The following TPP1 variants were observed in gnomAD, a reference collection of about 807,000 sequenced individuals.
TPP1 encodes tripeptidyl peptidase 1.
A neutral mutation model predicts 67.6 loss-of-function variants in TPP1; 43 were observed. The ratio of observed to expected loss-of-function variants is 0.64; its 90% CI spans 0.50 to 0.82. TPP1 has a LOEUF of 0.82. TPP1 is among the 40% of genes least tolerant of loss of function. TPP1 has a pLI of 0.00. For synonymous variants in TPP1, 272 were observed against 281.5 expected (o/e 0.97, Z 0.34); for missense variants, 671 against 710.9 (o/e 0.94, Z 0.64).
intron 7 of TPP1, 27 bp downstream of exon 7, chr11:6,616,634 C>T (rs1223668377): frequency 1.2e-6 from 2 of 1,613,806 alleles, no homozygotes; most frequent in Non-Finnish European, 1.7e-6. Context: ...CACCCCCTTC[C>T]CCACTGTCCA....
Position 6,614,386 on chromosome 11 carries a change from G to T in TPP1, c.*160C>A. The T allele has an allele frequency of 1.1e-6, 1 of 927,714 alleles. No individual in the cohort carries two copies. Among genetic ancestry groups the T allele is most frequent in the Non-Finnish European group, 1.7e-6 (1 of 603,246 alleles). The allele number at this position is 927,714 out of a possible 1,614,324, so 57.5% of individuals were successfully genotyped here. On this transcript the variant is annotated 3_prime_UTR_variant, in exon 13 of 13. Transcript: ENST00000299427. ...GAGTATGATGGAGCATGGTAGGGTT[G>T]GGAGTCAAGTCAAGCTCACAGCATT...
rs1855636795 is a variant in TPP1, at chr11:6,619,406, C to T, written c.-6G>A. ...CACCAGGCTTGGAGTCCCATTCTGC[C>T]CTTCCGCGGATCTGCTGTCATGTGA... On this transcript the variant is annotated 5_prime_UTR_variant, in exon 1 of 13. Transcript: ENST00000299427. 1 of 1,614,224 alleles carries T rather than the reference C, an allele frequency of 6.2e-7. No homozygotes were observed.
At position 6,613,294 on chromosome 11, in the gene TPP1, G is replaced by GT. The variant is rs1197757864; in HGVS notation, c.*1251dup. The GT allele has an allele frequency of 2.0e-5, 3 of 152,222 alleles. No homozygotes were observed. The highest frequency in any genetic ancestry group is 4.4e-5 in the Non-Finnish European group (3 of 68,042). The allele number at this position is 152,222 out of a possible 1,614,324, so 9.4% of individuals were successfully genotyped here. On this transcript the variant is annotated 3_prime_UTR_variant, in exon 13 of 13. Transcript: ENST00000299427. ...AATTCTGGAAATTAACCTGGCAGTT[G>GT]TATCAGGGGTGGTAAGGGGACGGAA...
At chr11:6,616,262 G>A in intron 8 of TPP1, 53 bp downstream of exon 8, 1 of 1,611,164 alleles carries the variant, frequency 6.2e-7, no homozygotes. Context: ...TGGAGTCAAA[G>A]CTCCCAGGCT....
intron 3 of TPP1, chr11:6,618,448 G>A (rs1261884564): frequency 8.1e-5 from 44 of 544,924 alleles, no homozygotes; most frequent in East Asian, 5.1e-4. Context: ...AACAAAAGAC[G>A]GCAAGAAGGA....
Position 6,617,760 on chromosome 11 carries a change from T to C in TPP1, c.246A>G (p.Leu82=), listed in dbSNP as rs1855609054. Residue 82 remains leucine, a synonymous_variant, in exon 4 of 13, where the codon CTA becomes CTG. Coordinates refer to ENST00000299427, the MANE Select transcript of TPP1 (RefSeq NM_000391.4). ...SSPQYGKYLT[L]ENVADLVRPS... ...GCCTCACCAGATCAGCCACATTCTCTAGGGTCAGGTATTTTCCTGCAGGGA... is the reference window on the plus strand; with the variant it reads ...GCCTCACCAGATCAGCCACATTCTCCAGGGTCAGGTATTTTCCTGCAGGGA... 2 of 1,614,196 alleles carry C rather than the reference T, an allele frequency of 1.2e-6. No individual in the cohort carries two copies. The highest frequency in any genetic ancestry group is 2.2e-5 in the East Asian group (1 of 44,886).
intron 5 of TPP1, 25 bp downstream of exon 5, chr11:6,617,276 C>T (rs369280517): frequency 3.1e-6 from 5 of 1,613,664 alleles, no homozygotes; most frequent in Non-Finnish European, 4.2e-6. Flanking sequence ...TGTGCCCCAA[C>T]CCCCATTCAC....
At chr11:6,618,970 T>C (rs1488482690) in intron 2 of TPP1, 55 bp from the exon 3 acceptor site, 1 of 1,606,168 alleles carries the variant, frequency 6.2e-7, no homozygotes, top group African/African-American at 1.3e-5. Context: ...ATGGAAAATA[T>C]TGGTCATGGA....
In TPP1 at chr11:6,616,685, A is replaced by C; in HGVS notation, c.862T>G (p.Ser288Ala). 1 of 1,613,968 alleles carries C rather than the reference A, an allele frequency of 6.2e-7. No homozygotes were observed. The highest frequency in any genetic ancestry group is 8.5e-7 in the Non-Finnish European group (1 of 1,179,974). ...QYLMSAGANI[S>A]TWVYSSPGRH... ...CCAGGGCTACTGTAGACCCAGGTGGAGATGTTGGCACCAGCACTCATCAGG... is the reference window on the plus strand; with the variant it reads ...CCAGGGCTACTGTAGACCCAGGTGGCGATGTTGGCACCAGCACTCATCAGG... The change falls in exon 7 of 13, where the codon TCC (serine) becomes GCC (alanine). Residue 288 changes from serine to alanine, a missense_variant. Coordinates refer to ENST00000299427, the MANE Select transcript of TPP1 (RefSeq NM_000391.4).
In TPP1 at chr11:6,617,296, G is replaced by A; in HGVS notation, c.508+5C>T. 1 of 1,614,068 alleles carries A rather than the reference G, an allele frequency of 6.2e-7. No homozygotes were observed. The highest frequency in any genetic ancestry group is 8.5e-7 in the Non-Finnish European group (1 of 1,179,998). ...CCCAACCCCCATTCACCCCATAGGT[G>A]TTACCAAAGTCCACATGGGGGGCCA... On this transcript the variant is annotated splice_donor_5th_base_variant and intron_variant, in intron 5 of 12. Transcript: ENST00000299427.
At chr11:6,617,883 G>T in intron 3 of TPP1, 107 bp from the exon 4 acceptor site, 1 of 1,489,250 alleles carries the variant, frequency 6.7e-7, no homozygotes, top group South Asian at 1.1e-5. Flanking sequence ...CTGGAACAGG[G>T]TAAAGGAGGG....
intron 8 of TPP1, 107 bp downstream of exon 8, chr11:6,616,208 C>G: frequency 6.3e-7 from 1 of 1,589,152 alleles, no homozygotes; most frequent in East Asian, 2.2e-5. Context: ...ACTGGAAGGT[C>G]TGAGTTCAGA....
At chr11:6,616,100 A>C (rs761284709) in intron 8 of TPP1, 26 bp from the exon 9 acceptor site, 1 of 1,613,780 alleles carries the variant, frequency 6.2e-7, no homozygotes, top group Non-Finnish European at 8.5e-7. Flanking sequence ...TGTAGCATTC[A>C]TATTAATTGG....
At chr11:6,616,095 C>G in intron 8 of TPP1, 21 bp from the exon 9 acceptor site, 2 of 1,613,986 alleles carry the variant, frequency 1.2e-6, no homozygotes, top group African/African-American at 2.7e-5. Flanking sequence ...CCAAGTGTAG[C>G]ATTCATATTA....
intron 2 of TPP1, 136 bp from the exon 3 acceptor site, chr11:6,619,051 A>G: frequency 5.4e-6 from 8 of 1,473,844 alleles, no homozygotes; most frequent in Non-Finnish European, 7.5e-6. Flanking sequence ...GAGGTGAATG[A>G]TAGGGGACTG....
chr11:6,617,024 G>A lies in TPP1; in HGVS notation c.638C>T (p.Ser213Leu), dbSNP rs773546205. Reference protein sequence around the residue: ...SVIRKRYNLTSQDVGSGTSNN... With the variant: ...SVIRKRYNLTLQDVGSGTSNN... ...GCTGGTGCCAGAGCCCACGTCTTGT[G>A]AGGTCAAGTTGTATCGCTTACGGAT... Residue 213 changes from serine (S) to leucine (L), a missense_variant, in exon 6 of 13, where the codon TCA (serine) becomes TTA (leucine). Physicochemically the swap from Ser to Leu is moderately radical, Grantham distance 145 (BLOSUM62 -2). Coordinates refer to ENST00000299427, the MANE Select transcript of TPP1 (RefSeq NM_000391.4). 1.1e-4 allele frequency: 180 copies of A among 1,614,150 alleles called. 1 individual carries two copies. The South Asian group carries it at 1.5e-3, about 13-fold the overall frequency.
intron 3 of TPP1, 83 bp from the exon 4 acceptor site, chr11:6,617,859 G>A: frequency 6.3e-7 from 1 of 1,595,434 alleles, no homozygotes; most frequent in Non-Finnish European, 8.6e-7. Context: ...TGAGACATCA[G>A]GACTTCCCAA....
In TPP1 at chr11:6,618,739, C is replaced by G. The variant is rs532962445; in HGVS notation, c.229+37G>C. ...CCCAACCCAGCCCTGTGTCCCTCCACCGCATCCCACATCCTGTCCTCAGTC... is the reference window on the plus strand; with the variant it reads ...CCCAACCCAGCCCTGTGTCCCTCCAGCGCATCCCACATCCTGTCCTCAGTC... On this transcript the variant is annotated intron_variant, in intron 3 of 12. Transcript: ENST00000299427. 3.5e-5 allele frequency: 57 copies of G among 1,611,860 alleles called. 1 individual carries two copies. In the South Asian group the frequency reaches 5.4e-4, roughly 15 times the overall value.
At chr11:6,615,817 G>A (rs774134803) in intron 9 of TPP1, 188 bp downstream of exon 9, 7 of 797,882 alleles carry the variant, frequency 8.8e-6, no homozygotes, top group Non-Finnish European at 1.3e-5. Flanking sequence ...AATGGGAGCT[G>A]TATCCCACAC....
Sources: gnomAD v4.1 joint callset for allele counts on GRCh38, gnomAD v4.1.1 for gene constraint, MANE v1.5 for transcripts, NCBI Gene and HGNC (gene_info 2026-07-23, HGNC 2026-07-21) for gene names.